The following HEATR4 variants were observed in gnomAD, a reference collection of about 807,000 sequenced individuals.
HEATR4 encodes HEAT repeat-containing protein 4.
HEATR4 carries 95 observed loss-of-function variants against 108.8 expected under a neutral mutation model. That is an observed-to-expected ratio of 0.87 (90% CI 0.74 to 1.04). The LOEUF (loss-of-function observed/expected upper bound fraction) is 1.04, where lower values mean the gene tolerates loss of function less well. Among genes scored for constraint, HEATR4 ranks in the 50% least tolerant of loss-of-function variants. The probability of loss-of-function intolerance (pLI) is 0.00; values close to 1 mark genes in which losing one functional copy is unlikely to be tolerated. For missense variants in HEATR4, 1,152 were observed against 1,253.8 expected (o/e 0.92, Z 1.23); for synonymous variants, 443 against 459.4 (o/e 0.96, Z 0.46).
chr14:73,611,831 T>G, the HEATR4 span, among the ~76,000 whole-genome samples: 386 of 152,246 alleles, frequency 2.5e-3, 13 homozygotes, highest in East Asian at 0.055. Context: ...CAGGTACCAT[T>G]AGCCCTGGAA....
Position 73,492,727 on chromosome 14 carries a change from A to G in HEATR4, c.2844+339T>C, listed in dbSNP as rs1036502932. ...GGGGCCATTTGTTTCTCTATTACAC[A>G]GTGGAAAACTCCCGTGTGTATCATC... On this transcript the variant is annotated intron_variant, in intron 17 of 17. Coordinates refer to ENST00000553558, the MANE Select transcript of HEATR4 (RefSeq NM_001220484.1). This position sits in a 1 kb window ranked among gnomAD's most constrained non-coding sequence, Gnocchi z 4.9. 5 of 1,613,980 alleles carry G rather than the reference A, an allele frequency of 3.1e-6. No homozygotes were observed. Among genetic ancestry groups the G allele is most frequent in the Non-Finnish European group, 4.2e-6 (5 of 1,179,892 alleles).
chr14:73,522,482 C>T lies in HEATR4; in HGVS notation c.671G>A (p.Arg224Gln), dbSNP rs528517201. ...TARWIQSKRP[R>Q]RPGASPNKWQ... ...CTTGTTGGGGGATGCCCCAGGCCTT[C>T]GAGGACGCTTGCTCTGGATCCATCG... The change falls in exon 3 of 18, where the codon CGA (arginine) becomes CAA (glutamine). Residue 224 changes from arginine (R) to glutamine (Q), a missense_variant. Physicochemically the swap from Arg to Gln is conservative, Grantham distance 43 (BLOSUM62 1). Coordinates refer to ENST00000553558, the MANE Select transcript of HEATR4 (RefSeq NM_001220484.1). 1.5e-5 allele frequency: 25 copies of T among 1,614,198 alleles called. No individual in the cohort carries two copies. The highest frequency in any genetic ancestry group is 6.7e-5 in the African/African-American group (5 of 75,056).
At chr14:73,566,675 G>T in the HEATR4 span, among the ~76,000 whole-genome samples, 2 of 152,138 alleles carry the variant, frequency 1.3e-5, no homozygotes, top group African/African-American at 4.8e-5. Context: ...CAGCTGGCCC[G>T]CAAGTGCGGA....
At chr14:73,588,950 C>A in the HEATR4 span, among the ~76,000 whole-genome samples, 4 of 151,960 alleles carry the variant, frequency 2.6e-5, no homozygotes, top group East Asian at 7.7e-4. Context: ...AGGTTCATAG[C>A]AAAATTGAGC....
Position 73,522,257 on chromosome 14 carries a change from C to A in HEATR4, c.881+15G>T. 1 of 1,608,970 alleles carries A rather than the reference C, an allele frequency of 6.2e-7. No individual in the cohort carries two copies. On this transcript the variant is annotated intron_variant, in intron 3 of 17. Coordinates refer to ENST00000553558, the MANE Select transcript of HEATR4 (RefSeq NM_001220484.1). Reference sequence around the variant, plus strand: ...GGGATTATCAAAGGTGCACTTGAGGCCCTGGCCAGTATACCTGTAGTAAAC... The same window carrying A: ...GGGATTATCAAAGGTGCACTTGAGGACCTGGCCAGTATACCTGTAGTAAAC...
rs777001024 is a variant in HEATR4, at chr14:73,506,470, G to A, written c.1983C>T (p.Cys661=). Residue 661 remains cysteine, a synonymous_variant, in exon 10 of 18, where the codon TGC becomes TGT. Transcript: ENST00000553558. Reference sequence around the variant, plus strand: ...GGAGGCAAAGAAAGAGGTTTACCAAGCAGACATTTCCACTGATCCGGGAGA... The same window carrying A: ...GGAGGCAAAGAAAGAGGTTTACCAAACAGACATTTCCACTGATCCGGGAGA... The part of the protein sequence containing the change: ...QAFSRISGNV[C]LDMKHKLIQL... 3 of 1,612,242 alleles carry A rather than the reference G, an allele frequency of 1.9e-6. No homozygotes were observed. Among genetic ancestry groups the A allele is most frequent in the East Asian group, 2.2e-5 (1 of 44,866 alleles).
chr14:73,606,305 G>A, the HEATR4 span, among the ~76,000 whole-genome samples: 12 of 151,746 alleles, frequency 7.9e-5, no homozygotes, highest in Non-Finnish European at 1.8e-4. Context: ...GCGGTAAGCC[G>A]AGATCCTGCC....
rs1885850641 is a variant in HEATR4 at position 73,492,613 on chromosome 14, T to C, written c.2844+453A>G. ...ACGGGCTTCCAATTCGCTGGGAGGC[T>C]GGAGAACCTGTAAACGTGGGGGCCC... On this transcript the variant is annotated intron_variant, in intron 17 of 17. Transcript: ENST00000553558. This position sits in a 1 kb window ranked among gnomAD's most constrained non-coding sequence, Gnocchi z 4.9. 6.2e-7 allele frequency: 1 copy of C among 1,613,840 alleles called. No homozygotes were observed. The highest frequency in any genetic ancestry group is 1.1e-5 in the South Asian group (1 of 91,070).
At chr14:73,600,643 G>T in the HEATR4 span, among the ~76,000 whole-genome samples, 5 of 151,640 alleles carry the variant, frequency 3.3e-5, no homozygotes, top group African/African-American at 1.2e-4. Flanking sequence ...TAGAGACAGG[G>T]TTTCACCATG....
At chr14:73,569,940 C>A in the HEATR4 span, 1 of 1,540,112 alleles carries the variant, frequency 6.5e-7, no homozygotes, top group Non-Finnish European at 8.7e-7. Context: ...TGTGTGTCTC[C>A]CCCGCCCCAC....
chr14:73,602,581 CCTT>C, the HEATR4 span, among the ~76,000 whole-genome samples: 2 of 152,292 alleles, frequency 1.3e-5, no homozygotes, highest in African/African-American at 4.8e-5. Flanking sequence ...CCTCCTGACT[CCTT>C]CTTCCAAACA....
At chr14:73,514,638 T>C (rs1887478183) in intron 5 of HEATR4, among the ~76,000 whole-genome samples, 1 of 152,246 alleles carries the variant, frequency 6.6e-6, no homozygotes, top group Admixed American at 6.5e-5. Context: ...TAAGTTTTCC[T>C]TTTAATGTTT....
rs754241669 is a variant in HEATR4, at chr14:73,512,089, TC to T, written c.1474del (p.Asp492MetfsTer43). On this transcript the variant is annotated frameshift_variant, in exon 7 of 18. Transcript: ENST00000553558. LOFTEE classifies it high-confidence loss of function. ...NLLQSLGDLH[D>X]DVRIKAITTC... ...GGTGATAGCTTTGATCCGAACGTCA[TC>T]ATGCAGGTCTCCCAAGCTCTGAAGC... is the stretch of plus-strand genomic sequence containing the variant. The T allele has an allele frequency of 6.2e-7, 1 of 1,614,174 alleles. No individual in the cohort carries two copies. Among genetic ancestry groups the T allele is most frequent in the African/African-American group, 1.3e-5 (1 of 75,022 alleles).
chr14:73,492,575 G>T lies in HEATR4; in HGVS notation c.2844+491C>A. 1 of 1,613,910 alleles carries T rather than the reference G, an allele frequency of 6.2e-7. No individual in the cohort carries two copies. Among genetic ancestry groups the T allele is most frequent in the Non-Finnish European group, 8.5e-7 (1 of 1,179,856 alleles). ...CCCTGTTTTGACTGATAGGGAGAGGGCACTAAGTGTTTACGGGCTTCCAAT... is the reference window on the plus strand; with the variant it reads ...CCCTGTTTTGACTGATAGGGAGAGGTCACTAAGTGTTTACGGGCTTCCAAT... On this transcript the variant is annotated intron_variant, in intron 17 of 17. Coordinates refer to ENST00000553558, the MANE Select transcript of HEATR4 (RefSeq NM_001220484.1). The surrounding 1 kb of genome is among the most constrained non-coding windows in gnomAD (Gnocchi z 4.9).
the HEATR4 span, among the ~76,000 whole-genome samples, chr14:73,600,122 A>G: frequency 6.6e-6 from 1 of 152,172 alleles, no homozygotes; most frequent in Non-Finnish European, 1.5e-5. Context: ...GAGAAGTATA[A>G]GATAACTCCT....
At chr14:73,582,933 GT>G in the HEATR4 span, 1 of 152,040 alleles carries the variant, frequency 6.6e-6, no homozygotes, top group Non-Finnish European at 1.5e-5. Context: ...CTTTCGCTGT[GT>G]GTCTCATTTA....
chr14:73,563,270 T>C (rs145250402), upstream of HEATR4, among the ~76,000 whole-genome samples: 294 of 152,118 alleles, frequency 1.9e-3, 1 homozygote, highest in African/African-American at 7.0e-3. Context: ...CCCAATAGTT[T>C]AATGGGTAAA....
chr14:73,559,728 G>T (rs1889482685), upstream of HEATR4, among the ~76,000 whole-genome samples: 4 of 151,986 alleles, frequency 2.6e-5, no homozygotes, highest in South Asian at 8.3e-4. Flanking sequence ...GGCAGCAAGA[G>T]TGAAGTGCAG....
At chr14:73,562,345 G>C (rs116122850), upstream of HEATR4, among the ~76,000 whole-genome samples, 9,923 of 152,016 alleles carry the variant, frequency 0.065, 1,033 homozygotes, top group African/African-American at 0.23. Context: ...ATCCTGTTAT[G>C]TTCGTAAGCT....
Sources: gnomAD v4.1 joint callset for allele counts (sites outside exome capture counted in the v4.1 genomes callset) on GRCh38, gnomAD v4.1.1 for gene constraint, Gnocchi (gnomAD v3.1) non-coding constraint, MANE v1.5 for transcripts, NCBI Gene and HGNC (gene_info 2026-07-23, HGNC 2026-07-21) for gene names.